The following COL4A4 variants were observed in gnomAD, a reference collection of about 807,000 sequenced individuals.
The protein encoded by COL4A4 is collagen type IV alpha 4 chain.
In COL4A4, 105 loss-of-function variants were observed where a neutral mutation model predicts 192.9. The ratio of observed to expected loss-of-function variants is 0.54; its 90% CI spans 0.46 to 0.64. COL4A4 has a LOEUF of 0.64. Among genes scored for constraint, COL4A4 ranks in the 30% least tolerant of loss-of-function variants. The pLI is 0.00. For missense variants in COL4A4, 1,967 were observed against 2,169.3 expected, an observed-to-expected ratio of 0.91 and a Z score of 1.85; for synonymous variants, 762 against 769.9, an observed-to-expected ratio of 0.99 and a Z score of 0.17.
the COL4A4 span, among the ~76,000 whole-genome samples, chr2:226,973,393 C>T: frequency 6.6e-6 from 1 of 152,186 alleles, no homozygotes; most frequent in African/African-American, 2.4e-5. Flanking sequence ...TGTCTGGGCT[C>T]ATTATCTGGG....
intron 26 of COL4A4, among the ~76,000 whole-genome samples, 179 bp downstream of exon 26, chr2:227,062,351 G>A (rs1436869772): frequency 6.6e-6 from 1 of 152,052 alleles, no homozygotes; most frequent in African/African-American, 2.4e-5. Flanking sequence ...TCTCAAACCA[G>A]CAGACTAGAG....
intron 19 of COL4A4, among the ~76,000 whole-genome samples, chr2:227,094,618 T>C (rs2060111981): frequency 6.6e-6 from 1 of 152,124 alleles, no homozygotes; most frequent in African/African-American, 2.4e-5. Context: ...GTTCCAGAGA[T>C]CTACTGTACA....
the COL4A4 span, among the ~76,000 whole-genome samples, chr2:226,979,694 C>G: frequency 6.6e-6 from 1 of 152,214 alleles, no homozygotes; most frequent in East Asian, 1.9e-4. Context: ...GGTGCCCACC[C>G]ACATTGGGGC....
intron 2 of COL4A4, among the ~76,000 whole-genome samples, chr2:227,145,452 A>C (rs2063489868): frequency 6.6e-6 from 1 of 152,170 alleles, no homozygotes; most frequent in Non-Finnish European, 1.5e-5. Context: ...GTCTCAAAAC[A>C]ACAAAACAAA....
chr2:227,064,150 A>G (rs1348774632), intron 25 of COL4A4, among the ~76,000 whole-genome samples: 1 of 152,206 alleles, frequency 6.6e-6, no homozygotes, highest in Non-Finnish European at 1.5e-5. Context: ...GGGTGAAAAC[A>G]TCATAAATAA....
chr2:227,017,061 G>T (rs954134049), intron 44 of COL4A4, among the ~76,000 whole-genome samples: 16 of 152,142 alleles, frequency 1.1e-4, no homozygotes, highest in African/African-American at 3.6e-4. Flanking sequence ...TCCTTTCTCT[G>T]TCTCACCCAA....
intron 43 of COL4A4, chr2:227,022,454 G>T: frequency 1.6e-6 from 1 of 644,470 alleles, no homozygotes; most frequent in Non-Finnish European, 3.0e-6. Flanking sequence ...GTATGAAACA[G>T]TGAAGGTCGG....
Position 227,088,786 on chromosome 2 carries a change from C to A in COL4A4, c.1490G>T (p.Gly497Val). ...GNEGLCACEP[G>V]PMGPPGPPGL... The stretch of plus-strand genomic sequence containing the variant: ...TGGAGGGCCAGGGGGGCCCATGGGT[C>A]CAGGCTCACAGGCACAGAGTCCTTC... The change falls in exon 22 of 48, where the codon GGA becomes GTA. Residue 497 changes from glycine to valine, a missense_variant. Transcript: ENST00000396625. The A allele has an allele frequency of 6.2e-7, 1 of 1,614,166 alleles. No homozygotes were observed. The highest frequency in any genetic ancestry group is 8.5e-7 in the Non-Finnish European group (1 of 1,180,028).
At chr2:227,115,840 T>C (rs76277664) in intron 7 of COL4A4, among the ~76,000 whole-genome samples, 5,300 of 152,258 alleles carry the variant, frequency 0.035, 304 homozygotes, top group African/African-American at 0.12. Context: ...TTAAGTTAAA[T>C]AACACCAGTT....
intron 25 of COL4A4, among the ~76,000 whole-genome samples, chr2:227,070,890 T>C (rs1197262246): frequency 6.6e-6 from 1 of 151,228 alleles, no homozygotes; most frequent in African/African-American, 2.4e-5. Flanking sequence ...AATAAATAAA[T>C]AAATAAATAA....
intron 1 of COL4A4, among the ~76,000 whole-genome samples, chr2:227,162,840 A>C (rs76009469): frequency 0.05 from 7,563 of 152,326 alleles, 240 homozygotes; most frequent in Admixed American, 0.087. Context: ...ATGCACAACG[A>C]TAGTTGAGAA....
At chr2:227,152,038 G>T (rs1282009672) in intron 1 of COL4A4, among the ~76,000 whole-genome samples, 1 of 152,182 alleles carries the variant, frequency 6.6e-6, no homozygotes, top group East Asian at 1.9e-4. Context: ...ATGATTTCCA[G>T]GCTGACAAGT....
intron 37 of COL4A4, among the ~76,000 whole-genome samples, chr2:227,041,907 A>G (rs562320540): frequency 2.6e-4 from 40 of 151,270 alleles, no homozygotes; most frequent in African/African-American, 9.3e-4. Context: ...AGAAAGAAAG[A>G]AAGAAAGAAA....
At chr2:227,105,166 C>G (rs1439822946) in intron 12 of COL4A4, among the ~76,000 whole-genome samples, 1 of 147,182 alleles carries the variant, frequency 6.8e-6, no homozygotes, top group African/African-American at 2.5e-5. Context: ...TTCTATTATA[C>G]TAAAATCTCT....
chr2:227,069,196 C>G (rs2058552531), intron 25 of COL4A4, among the ~76,000 whole-genome samples: 1 of 146,138 alleles, frequency 6.8e-6, no homozygotes, highest in Non-Finnish European at 1.5e-5. Flanking sequence ...AACTACAAAC[C>G]ACTGCTCAAG....
the COL4A4 span, among the ~76,000 whole-genome samples, chr2:226,970,646 A>C: frequency 6.6e-6 from 1 of 152,228 alleles, no homozygotes; most frequent in African/African-American, 2.4e-5. Context: ...AGGAATAAAG[A>C]TGTAAGGAGT....
rs747763424 is a variant in COL4A4 at position 227,111,699 on chromosome 2, G to A, written c.573C>T (p.Asp191=). 1.9e-6 allele frequency: 3 copies of A among 1,614,082 alleles called. No homozygotes were observed. Among genetic ancestry groups the A allele is most frequent in the East Asian group, 4.5e-5 (2 of 44,876 alleles). ...AVKGIQGDRG[D]PGLPGLPGSW... ...TTACTGGTAAGCCAGGCAGTCCTGG[G>A]TCCCCTCTGTCTCCCTGCAAAAATA... The change falls in exon 9 of 48, where the codon GAC becomes GAT. Residue 191 remains aspartate, a synonymous_variant. Coordinates refer to ENST00000396625, the MANE Select transcript of COL4A4 (RefSeq NM_000092.5).
In COL4A4 at chr2:227,144,509, T is replaced by A; in HGVS notation, c.114+7A>T. 6.2e-7 allele frequency: 1 copy of A among 1,608,328 alleles called. No individual in the cohort carries two copies. The highest frequency in any genetic ancestry group is 2.2e-5 in the East Asian group (1 of 44,778). On this transcript the variant is annotated splice_region_variant and intron_variant, in intron 3 of 47. Transcript: ENST00000396625. ...ACAACGCAACCAGAGCTAGTGAATG[T>A]ACTTACCCCATATACATATTGTACA...
intron 15 of COL4A4, among the ~76,000 whole-genome samples, chr2:227,102,545 G>C (rs758549572): frequency 6.6e-5 from 10 of 152,184 alleles, no homozygotes; most frequent in Non-Finnish European, 1.5e-4. Flanking sequence ...CCAGACAAGA[G>C]ATGGCACAAT....
Sources: allele counts gnomAD v4.1 joint callset (sites outside exome capture counted in the v4.1 genomes callset), GRCh38; gene constraint gnomAD v4.1.1; transcripts MANE v1.5; gene names NCBI Gene and HGNC (gene_info 2026-07-23, HGNC 2026-07-21).